Variants in NEDD9 observed in about 807,000 individuals in gnomAD.
The protein encoded by NEDD9 is enhancer of filamentation 1.
NEDD9 carries 26 observed loss-of-function variants against 76.6 expected under a neutral mutation model. The ratio of observed to expected loss-of-function variants is 0.34; its 90% CI spans 0.25 to 0.47. The LOEUF is 0.47. Among genes scored for constraint, NEDD9 ranks in the 20% least tolerant of loss-of-function variants. NEDD9 has a pLI of 1.00. For synonymous variants in NEDD9, 392 were observed against 414.2 expected, an observed-to-expected ratio of 0.95 and a Z score of 0.65; for missense variants, 937 against 1,058.5, an observed-to-expected ratio of 0.89 and a Z score of 1.59.
rs1582013702 is a variant in NEDD9 at position 11,307,183 on chromosome 6, C to T, written c.-152-1028G>A. Among the ~76,000 whole-genome samples, 7 of 152,056 alleles carry T rather than the reference C, an allele frequency of 4.6e-5. No individual in the cohort carries two copies. In the South Asian group the frequency reaches 1.5e-3, roughly 32 times the overall value. The stretch of plus-strand genomic sequence containing the variant: ...GAAGCTCAGCAAAAAAATTAATGAA[C>T]CTATGCAGCTGCCCTTAGGAGGAAG... On this transcript the variant is annotated intron_variant, in intron 2 of 3. Coordinates refer to the NEDD9 transcript ENST00000397378.
intron 2 of NEDD9, among the ~76,000 whole-genome samples, chr6:11,315,252 T>C (rs138742764): frequency 6.6e-6 from 1 of 152,330 alleles, no homozygotes; most frequent in East Asian, 1.9e-4. Flanking sequence ...TTCTACCACG[T>C]TGGGATTCAC....
chr6:11,340,104 T>A (rs1762243413), intron 1 of NEDD9, among the ~76,000 whole-genome samples: 1 of 152,202 alleles, frequency 6.6e-6, no homozygotes, highest in African/African-American at 2.4e-5. Flanking sequence ...AAACCCTAAC[T>A]CATTGCCTCT....
chr6:11,349,896 T>C (rs1762432828), intron 1 of NEDD9, among the ~76,000 whole-genome samples: 2 of 152,158 alleles, frequency 1.3e-5, no homozygotes. Flanking sequence ...GTAACAAACC[T>C]GTATATGTAC....
At chr6:11,340,896 C>A (rs1018328864) in intron 1 of NEDD9, among the ~76,000 whole-genome samples, 16 of 152,156 alleles carry the variant, frequency 1.1e-4, no homozygotes, top group African/African-American at 3.6e-4. Context: ...GCCTATGAAG[C>A]CAAACAGTGT....
At chr6:11,232,405 C>A (rs761393249) in intron 1 of NEDD9, 99 bp downstream of exon 1, 20 of 1,450,422 alleles carry the variant, frequency 1.4e-5, no homozygotes, top group Non-Finnish European at 1.8e-5. Flanking sequence ...CTCTCCGGGA[C>A]ACACAAGGGA....
At chr6:11,309,611 A>G (rs546679967) in intron 2 of NEDD9, among the ~76,000 whole-genome samples, 7 of 152,218 alleles carry the variant, frequency 4.6e-5, no homozygotes, top group African/African-American at 1.7e-4. Flanking sequence ...CGATATTCTC[A>G]TCAACAAGGT....
rs2113703325 is a variant in NEDD9 at position 11,183,549 on chromosome 6, A to G, written c.*1613T>C. ...CACATGAACATTTCCTTGTAATGTAATGTATGACTTTTAATCTTCTTTTGG... is the reference window on the plus strand; with the variant it reads ...CACATGAACATTTCCTTGTAATGTAGTGTATGACTTTTAATCTTCTTTTGG... On this transcript the variant is annotated 3_prime_UTR_variant, in exon 7 of 7. Coordinates refer to ENST00000379446, the MANE Select transcript of NEDD9 (RefSeq NM_006403.4). 6.6e-6 allele frequency: 1 copy of G among 152,362 alleles called. No individual in the cohort carries two copies. The highest frequency in any genetic ancestry group is 2.1e-4 in the South Asian group (1 of 4,834). 9.4% of individuals were successfully genotyped at this position (152,362 alleles called of 1,614,324 possible).
intron 3 of NEDD9, among the ~76,000 whole-genome samples, chr6:11,269,450 G>A (rs1760260284): frequency 6.6e-6 from 1 of 152,192 alleles, no homozygotes; most frequent in Non-Finnish European, 1.5e-5. Context: ...GATTGGCAGA[G>A]GGGATATCAC....
At chr6:11,250,873 G>T (rs1397307057) in intron 3 of NEDD9, among the ~76,000 whole-genome samples, 2 of 152,048 alleles carry the variant, frequency 1.3e-5, no homozygotes, top group African/African-American at 4.8e-5. Context: ...ACTGACTTCG[G>T]GATAAAACTA....
chr6:11,352,496 A>C (rs1442789244), intron 1 of NEDD9: 1 of 152,170 alleles, frequency 6.6e-6, no homozygotes, highest in African/African-American at 2.4e-5. Flanking sequence ...GTTTCTTTAT[A>C]CAGCTTCTTT....
At chr6:11,270,778 G>A (rs748849689) in intron 3 of NEDD9, among the ~76,000 whole-genome samples, 1 of 152,176 alleles carries the variant, frequency 6.6e-6, no homozygotes, top group Admixed American at 6.5e-5. Flanking sequence ...AGTCTAGCAG[G>A]ACAGACAAAC....
intron 1 of NEDD9, among the ~76,000 whole-genome samples, chr6:11,226,263 T>TTG (rs1554126465): frequency 7.2e-5 from 11 of 152,066 alleles, no homozygotes; most frequent in East Asian, 5.8e-4. Context: ...GGGTTTTTTT[T>TTG]TGTGTGTGTG....
chr6:11,224,634 A>T (rs529533469), intron 1 of NEDD9, among the ~76,000 whole-genome samples: 1 of 146,204 alleles, frequency 6.8e-6, no homozygotes, highest in South Asian at 2.1e-4. Flanking sequence ...AGAAAAAAAA[A>T]ATCTCATCGA....
rs1311335170 is a variant in NEDD9 at position 11,198,008 on chromosome 6, A to G, written c.460-4316T>C. On this transcript the variant is annotated intron_variant, in intron 2 of 6. Transcript: ENST00000379446. This position sits in a 1 kb window ranked among gnomAD's most constrained non-coding sequence, Gnocchi z 4.7. ...CTGAGCTGGTACCCATAGCAGAGCA[A>G]GGGTCCTATACTCAGATGCTCACGG... 1.3e-5 allele frequency among the ~76,000 whole-genome samples: 2 copies of G among 152,124 alleles called. No homozygotes were observed. The highest frequency in any genetic ancestry group is 2.9e-5 in the Non-Finnish European group (2 of 68,030).
chr6:11,308,542 T>G (rs1290149432), intron 2 of NEDD9, among the ~76,000 whole-genome samples: 3 of 151,852 alleles, frequency 2.0e-5, no homozygotes, highest in Non-Finnish European at 2.9e-5. Context: ...GCTAATTTTT[T>G]GTATTTTTAG....
intron 2 of NEDD9, among the ~76,000 whole-genome samples, chr6:11,309,828 T>C (rs1258746914): frequency 6.6e-6 from 1 of 152,174 alleles, no homozygotes; most frequent in Non-Finnish European, 1.5e-5. Context: ...AGGTATAGAA[T>C]AGTAATATCA....
At position 11,185,544 on chromosome 6, in the gene NEDD9, A is replaced by G. The variant is rs1458264344; in HGVS notation, c.2123T>C (p.Leu708Pro). The change falls in exon 7 of 7, where the codon CTG (leucine) becomes CCG (proline). Residue 708 changes from leucine (L) to proline (P), a missense_variant. Physicochemically the swap from Leu to Pro is moderately conservative, Grantham distance 98. Coordinates refer to ENST00000379446, the MANE Select transcript of NEDD9 (RefSeq NM_006403.4). ...CTCACATTGGTCATAGTAGAAGCAC[A>G]GCAACTGCCGATCCTGAGCACTCAC... ...SGVSAQDRQL[L>P]CFYYDQCETH... 1 of 1,614,106 alleles carries G rather than the reference A, an allele frequency of 6.2e-7. No individual in the cohort carries two copies. The highest frequency in any genetic ancestry group is 8.5e-7 in the Non-Finnish European group (1 of 1,180,048).
At chr6:11,338,992 C>T (rs960018396) in intron 1 of NEDD9, among the ~76,000 whole-genome samples, 3 of 150,806 alleles carry the variant, frequency 2.0e-5, no homozygotes, top group East Asian at 1.9e-4. Context: ...TTTTTTCAAC[C>T]GAGAAATAAA....
intron 3 of NEDD9, among the ~76,000 whole-genome samples, chr6:11,270,536 A>G (rs987822900): frequency 1.3e-5 from 2 of 152,206 alleles, no homozygotes; most frequent in African/African-American, 4.8e-5. Context: ...ACACTTGGCC[A>G]TGGCTTATCA....
Sources: gnomAD v4.1 joint callset for allele counts (sites outside exome capture counted in the v4.1 genomes callset) on GRCh38, gnomAD v4.1.1 for gene constraint, Gnocchi (gnomAD v3.1) non-coding constraint, MANE v1.5 for transcripts, NCBI Gene and HGNC (gene_info 2026-07-23, HGNC 2026-07-21) for gene names.